The following CREB5 variants were observed in gnomAD, a reference collection of about 807,000 sequenced individuals.
CREB5 encodes cyclic AMP-responsive element-binding protein 5.
A neutral mutation model predicts 57.1 loss-of-function variants in CREB5; 19 were observed. That is an observed-to-expected ratio of 0.33 (90% CI 0.23 to 0.49). CREB5 has a LOEUF of 0.49. Among genes scored for constraint, CREB5 ranks in the 20% least tolerant of loss-of-function variants. The probability of loss-of-function intolerance (pLI) is 0.99; values close to 1 mark genes in which losing one functional copy is unlikely to be tolerated. For synonymous variants in CREB5, 238 were observed against 238.3 expected (o/e 1.00, Z 0.01); for missense variants, 579 against 671.6 (o/e 0.86, Z 1.52).
chr7:28,541,811 T>G (rs1015673303), intron 4 of CREB5, among the ~76,000 whole-genome samples: 9 of 152,238 alleles, frequency 5.9e-5, no homozygotes, highest in Non-Finnish European at 1.2e-4. Flanking sequence ...TTATTCAACT[T>G]TTTACTTAAC....
At chr7:28,524,420 G>C (rs1395945278) in intron 4 of CREB5, among the ~76,000 whole-genome samples, 1 of 151,754 alleles carries the variant, frequency 6.6e-6, no homozygotes, top group Non-Finnish European at 1.5e-5. Context: ...CAGGAGAATT[G>C]CTTGAACCTG....
chr7:28,658,029 C>G (rs1027428422), intron 5 of CREB5, among the ~76,000 whole-genome samples: 9 of 152,180 alleles, frequency 5.9e-5, no homozygotes, highest in Non-Finnish European at 1.2e-4. Context: ...TTAGGCTACT[C>G]TGGTGTAAAC....
At chr7:28,771,377 G>A (rs975824743) in intron 7 of CREB5, among the ~76,000 whole-genome samples, 5 of 152,106 alleles carry the variant, frequency 3.3e-5, no homozygotes, top group African/African-American at 1.2e-4. Flanking sequence ...CTTAGAATAG[G>A]GGGATTTTAT....
At chr7:28,362,695 T>C (rs1786510352) in intron 1 of CREB5, among the ~76,000 whole-genome samples, 2 of 152,236 alleles carry the variant, frequency 1.3e-5, no homozygotes, top group African/African-American at 4.8e-5. Context: ...AAAATCAAAT[T>C]ATGTGTTTAT....
intron 7 of CREB5, among the ~76,000 whole-genome samples, chr7:28,790,442 GAGAGAGAGAGAGAGAGAGAT>G (rs751893492): frequency 0.022 from 2,201 of 101,696 alleles, 24 homozygotes; most frequent in African/African-American, 0.03. Flanking sequence ...GAGAGAGAGA[GAGAGAGAGAGAGAGAGAGAT>G]AGAGAGAGAG....
At chr7:28,363,718 A>G (rs1262703230) in intron 1 of CREB5, among the ~76,000 whole-genome samples, 1 of 152,140 alleles carries the variant, frequency 6.6e-6, no homozygotes, top group Non-Finnish European at 1.5e-5. Context: ...AGAAGGATAG[A>G]TTTTTGGAGG....
intron 1 of CREB5, among the ~76,000 whole-genome samples, chr7:28,311,848 C>G (rs1785283508): frequency 6.6e-6 from 1 of 152,196 alleles, no homozygotes. Context: ...CGTCACGTGG[C>G]AGGCACTGTC....
intron 4 of CREB5, among the ~76,000 whole-genome samples, chr7:28,560,823 C>CGTGTGTGTGT (rs1442862711): frequency 1.2e-3 from 40 of 34,454 alleles, no homozygotes; most frequent in African/African-American, 1.5e-3. Context: ...TGTGTGTGTG[C>CGTGTGTGTGT]GCGCGCGCGC....
chr7:28,789,817 A>C (rs1807557225), intron 7 of CREB5, among the ~76,000 whole-genome samples: 1 of 152,204 alleles, frequency 6.6e-6, no homozygotes, highest in South Asian at 2.1e-4. Flanking sequence ...CTAGTGATAC[A>C]TACTCTATCC....
intron 4 of CREB5, among the ~76,000 whole-genome samples, chr7:28,523,538 T>C (rs192718884): frequency 1.0e-3 from 156 of 152,314 alleles, no homozygotes; most frequent in African/African-American, 3.5e-3. Context: ...AGAAACAGCA[T>C]TGGTGGTGGC....
rs1405932183 is a variant in CREB5, at chr7:28,737,566, TATATATATATATA to T, written c.702+13235_702+13247del. ...ATATATATATATATATATATATATA[TATATATATATATA>T]TATATATATTTTTAACTCCTGTTTC... On this transcript the variant is annotated intron_variant, in intron 7 of 10. Transcript: ENST00000357727. Among the ~76,000 whole-genome samples, 79 of 95,286 alleles carry T rather than the reference TATATATATATATA, an allele frequency of 8.3e-4. 2 individuals are homozygous for T. Among genetic ancestry groups the T allele is most frequent in the South Asian group, 5.7e-3 (22 of 3,876 alleles). 62.5% of individuals were successfully genotyped at this position (95,286 alleles called of 152,430 possible).
At chr7:28,794,175 C>T (rs1468594425) in intron 7 of CREB5, among the ~76,000 whole-genome samples, 1 of 152,142 alleles carries the variant, frequency 6.6e-6, no homozygotes, top group Non-Finnish European at 1.5e-5. Context: ...AATAAAATAA[C>T]AAGGGATTAC....
chr7:28,319,497 A>G (rs182617874), intron 1 of CREB5, among the ~76,000 whole-genome samples: 3 of 152,328 alleles, frequency 2.0e-5, no homozygotes, highest in Non-Finnish European at 4.4e-5. Context: ...TCTGAACAAA[A>G]GATAAAGAGG....
At chr7:28,388,029 G>T (rs1787145778) in intron 1 of CREB5, among the ~76,000 whole-genome samples, 1 of 152,108 alleles carries the variant, frequency 6.6e-6, no homozygotes, top group African/African-American at 2.4e-5. Context: ...CATGTACTTT[G>T]TACTTTTGGA....
intron 5 of CREB5, among the ~76,000 whole-genome samples, chr7:28,605,225 G>A (rs956208130): frequency 1.3e-5 from 2 of 152,190 alleles, no homozygotes; most frequent in Non-Finnish European, 2.9e-5. Flanking sequence ...TTCATATTTG[G>A]TGGACGTGGT....
At chr7:28,574,777 A>T (rs1160733146) in intron 5 of CREB5, among the ~76,000 whole-genome samples, 1 of 152,252 alleles carries the variant, frequency 6.6e-6, no homozygotes, top group Non-Finnish European at 1.5e-5. Context: ...GGCCAGCTGC[A>T]TCAGGAAACT....
At chr7:28,342,668 A>G (rs1020010269) in intron 1 of CREB5, among the ~76,000 whole-genome samples, 2 of 152,094 alleles carry the variant, frequency 1.3e-5, no homozygotes, top group Admixed American at 6.5e-5. Flanking sequence ...TCTATTTACA[A>G]CCCCTCTGTC....
chr7:28,313,289 C>T (rs1208884545), intron 1 of CREB5, among the ~76,000 whole-genome samples: 2 of 152,204 alleles, frequency 1.3e-5, no homozygotes, highest in East Asian at 1.9e-4. Context: ...GCCTGAAGCA[C>T]GAACACACTT....
intron 5 of CREB5, among the ~76,000 whole-genome samples, chr7:28,585,787 G>A (rs544366351): frequency 6.6e-6 from 1 of 152,272 alleles, no homozygotes; most frequent in African/African-American, 2.4e-5. Context: ...GGTGTTAAAA[G>A]CAACTAGACA....
Sources: allele counts gnomAD v4.1 joint callset (sites outside exome capture counted in the v4.1 genomes callset), GRCh38; gene constraint gnomAD v4.1.1; transcripts MANE v1.5; gene names NCBI Gene and HGNC (gene_info 2026-07-23, HGNC 2026-07-21).